The following PIGW variants were observed in gnomAD, a reference collection of about 807,000 sequenced individuals.
PIGW encodes the protein glucosaminyl-phosphatidylinositol-acyltransferase PIGW.
A neutral mutation model predicts 34.0 loss-of-function variants in PIGW; 23 were observed. That is an observed-to-expected ratio of 0.68 (90% CI 0.49 to 0.96). The LOEUF (loss-of-function observed/expected upper bound fraction) is 0.96. PIGW is among the 40% of genes least tolerant of loss of function. PIGW has a pLI of 0.00. For missense variants in PIGW, 574 were observed against 586.3 expected, an observed-to-expected ratio of 0.98 and a Z score of 0.22; for synonymous variants, 225 against 225.2, an observed-to-expected ratio of 1.00 and a Z score of 0.01.
rs561985791 is a variant in PIGW, at chr17:36,535,148, T to C, written c.-453T>C. 6.7e-6 allele frequency: 1 copy of C among 150,156 alleles called. No individual in the cohort carries two copies. Among genetic ancestry groups the C allele is most frequent in the African/African-American group, 2.5e-5 (1 of 39,470 alleles). 9.3% of individuals were successfully genotyped at this position (150,156 alleles called of 1,614,324 possible). A position where few individuals can be genotyped will look rare whatever the true frequency, so the allele number is the denominator to read the frequency against. ...GCGCGGAAGCACGGTTTCCTGGGCC[T>C]TCGGGCGACACCAGGACTGGGGGTC... On this transcript the variant is annotated 5_prime_UTR_variant, in exon 1 of 2. Transcript: ENST00000614443.
rs1190922116 is a variant in PIGW, at chr17:36,538,079, GCATAAGAACCGAT to G, written c.981_993del (p.Lys328IlefsTer5). Reference sequence around the variant, plus strand: ...CTGGTGTGCAAACAGGGTTATATATGCATAAGAACCGATCACATATCAAAGACTTGATAAAAGT... The same window carrying G: ...CTGGTGTGCAAACAGGGTTATATATGCACATATCAAAGACTTGATAAAAGT... On this transcript the variant is annotated frameshift_variant, in exon 2 of 2. Coordinates refer to ENST00000614443, the MANE Select transcript of PIGW (RefSeq NM_001346754.2). LOFTEE classifies it high-confidence loss of function. 1 of 1,614,168 alleles carries G rather than the reference GCATAAGAACCGAT, an allele frequency of 6.2e-7. No homozygotes were observed. The highest frequency in any genetic ancestry group is 1.7e-5 in the Admixed American group (1 of 60,018).
rs2074073258 is a variant in PIGW, at chr17:36,535,297, G to A, written c.-304G>A. ...GTCTGAGGGGCCGTGTGAGGTGCATGGCGCGCCGTTTCCTCTCCAGGCGCT... is the reference window on the plus strand; with the variant it reads ...GTCTGAGGGGCCGTGTGAGGTGCATAGCGCGCCGTTTCCTCTCCAGGCGCT... On this transcript the variant is annotated 5_prime_UTR_variant, in exon 1 of 2. The change abolishes an upstream ATG in the 5' untranslated region. Coordinates refer to ENST00000614443, the MANE Select transcript of PIGW (RefSeq NM_001346754.2). 6.7e-6 allele frequency: 1 copy of A among 150,104 alleles called. No individual in the cohort carries two copies. The highest frequency in any genetic ancestry group is 6.6e-5 in the Admixed American group (1 of 15,208). 9.3% of individuals were successfully genotyped at this position (150,104 alleles called of 1,614,324 possible). A position where few individuals can be genotyped will look rare whatever the true frequency, so the allele number is the denominator to read the frequency against.
intron 1 of PIGW, among the ~76,000 whole-genome samples, chr17:36,536,823 A>C: frequency 6.6e-6 from 1 of 151,948 alleles, no homozygotes; most frequent in East Asian, 1.9e-4. Flanking sequence ...CCCCAAATTC[A>C]CTTTCTTTGT....
rs753862071 is a variant in PIGW at position 36,537,450 on chromosome 17, T to C, written c.349T>C (p.Leu117=). The change falls in exon 2 of 2, where the codon TTG becomes CTG. Residue 117 remains leucine (L), a synonymous_variant. Coordinates refer to ENST00000614443, the MANE Select transcript of PIGW (RefSeq NM_001346754.2). ...TTTCCTAAAAATCCTTGAAAAATTC[T>C]TGAACATCAGTCTAGAATCAGAATA... ...LPFLKILEKF[L]NISLESEYNP... The C allele has an allele frequency of 2.5e-6, 4 of 1,614,244 alleles. No individual in the cohort carries two copies. The South Asian group carries it at 3.3e-5, about 13-fold the overall frequency.
Position 36,538,598 on chromosome 17 carries a change from G to A in PIGW, c.1497G>A (p.Lys499=), listed in dbSNP as rs772409187. ...LIVYVLYLQD[K]TVQFW is the part of the protein sequence containing the mutation. ...TATATGTACTATATTTGCAAGATAA[G>A]ACTGTACAATTTTGGTGATCAGCAG... The change falls in exon 2 of 2, where the codon AAG becomes AAA. Residue 499 remains lysine (K), a synonymous_variant. Transcript: ENST00000614443. The A allele has an allele frequency of 3.6e-5, 58 of 1,600,786 alleles. No homozygotes were observed. The highest frequency in any genetic ancestry group is 4.7e-5 in the Non-Finnish European group (55 of 1,172,524).
rs1305809089 is a variant in PIGW at position 36,537,910 on chromosome 17, T to C, written c.809T>C (p.Val270Ala). 6.2e-7 allele frequency: 1 copy of C among 1,614,138 alleles called. No individual in the cohort carries two copies. Among genetic ancestry groups the C allele is most frequent in the Non-Finnish European group, 8.5e-7 (1 of 1,179,996 alleles). Reference sequence around the variant, plus strand: ...TGGATTATTGCCCTCGGCATTACTGTATTATACCAGCTAGCCCTTGACTTT... The same window carrying C: ...TGGATTATTGCCCTCGGCATTACTGCATTATACCAGCTAGCCCTTGACTTT... ...KSWIIALGITVLYQLALDFTS... is the reference protein window; with the variant it reads ...KSWIIALGITALYQLALDFTS... The change falls in exon 2 of 2, where the codon GTA becomes GCA. Residue 270 changes from valine (V) to alanine (A), a missense_variant. Coordinates refer to ENST00000614443, the MANE Select transcript of PIGW (RefSeq NM_001346754.2).
rs747591955 is a variant in PIGW at position 36,538,197 on chromosome 17, C to T, written c.1096C>T (p.Arg366Ter). Reference protein sequence around the residue: ...VVQVNVEAVSRRMANLAFCIW... With the variant: ...VVQVNVEAVS ...TCAAGTAAATGTAGAAGCAGTATCTCGAAGAATGGCAAATTTAGCCTTTTG... is the reference window on the plus strand; with the variant it reads ...TCAAGTAAATGTAGAAGCAGTATCTTGAAGAATGGCAAATTTAGCCTTTTG... Residue 366 changes from arginine to a stop codon, truncating the protein, a stop_gained, in exon 2 of 2, where the codon CGA (arginine) becomes TGA (stop). Transcript: ENST00000614443. LOFTEE classifies it high-confidence loss of function. The T allele has an allele frequency of 2.2e-5, 35 of 1,613,250 alleles. No homozygotes were observed. Among genetic ancestry groups the T allele is most frequent in the South Asian group, 3.3e-5 (3 of 91,086 alleles).
chr17:36,536,536 T>TTC (rs2074130647), intron 1 of PIGW, among the ~76,000 whole-genome samples: 1 of 148,480 alleles, frequency 6.7e-6, no homozygotes, highest in Non-Finnish European at 1.5e-5. Context: ...TTTTTTTTTT[T>TTC]TTTTTTTGAG....
chr17:36,538,734 C>A lies in PIGW; in HGVS notation c.*118C>A. Reference sequence around the variant, plus strand: ...TATTTTATTATAAAATAGTTTCAGTCATCTAAACAGCAGTGATGCTTAATT... The same window carrying A: ...TATTTTATTATAAAATAGTTTCAGTAATCTAAACAGCAGTGATGCTTAATT... On this transcript the variant is annotated 3_prime_UTR_variant, in exon 2 of 2. Transcript: ENST00000614443. 1.2e-6 allele frequency: 1 copy of A among 864,506 alleles called. No homozygotes were observed. The highest frequency in any genetic ancestry group is 1.8e-6 in the Non-Finnish European group (1 of 570,278). 53.6% of individuals were successfully genotyped at this position (864,506 alleles called of 1,614,324 possible).
In PIGW at chr17:36,538,408, C is replaced by G; in HGVS notation, c.1307C>G (p.Pro436Arg). 1 of 1,614,032 alleles carries G rather than the reference C, an allele frequency of 6.2e-7. No homozygotes were observed. ...SLVPEAERME[P>R]SLCLITALNR... ...GTCCCTGAAGCCGAAAGAATGGAAC[C>G]CAGTCTTTGTTTAATCACAGCTCTA... The change falls in exon 2 of 2, where the codon CCC (proline) becomes CGC (arginine). Residue 436 changes from proline to arginine, a missense_variant. Physicochemically the swap from Pro to Arg is moderately radical, Grantham distance 103. Coordinates refer to ENST00000614443, the MANE Select transcript of PIGW (RefSeq NM_001346754.2).
Position 36,537,192 on chromosome 17 carries a change from T to G in PIGW, c.91T>G (p.Phe31Val), listed in dbSNP as rs370992145. The change falls in exon 2 of 2, where the codon TTC (phenylalanine) becomes GTC (valine). Residue 31 changes from phenylalanine (F) to valine (V), a missense_variant. Coordinates refer to ENST00000614443, the MANE Select transcript of PIGW (RefSeq NM_001346754.2). ...CACCCAGGGATTGTGCTTTCCTGCA[T>G]TCTGTATCCTGTGCAGAGGGTTCCT... Reference protein sequence around the residue: ...EITQGLCFPAFCILCRGFLII... With the variant: ...EITQGLCFPAVCILCRGFLII... The G allele has an allele frequency of 6.2e-7, 1 of 1,614,190 alleles. No homozygotes were observed. The highest frequency in any genetic ancestry group is 1.3e-5 in the African/African-American group (1 of 75,068).
Position 36,537,622 on chromosome 17 carries a change from T to G in PIGW, c.521T>G (p.Phe174Cys). 6.2e-7 allele frequency: 1 copy of G among 1,614,124 alleles called. No individual in the cohort carries two copies. Among genetic ancestry groups the G allele is most frequent in the Non-Finnish European group, 8.5e-7 (1 of 1,180,018 alleles). The change falls in exon 2 of 2, where the codon TTT becomes TGT. Residue 174 changes from phenylalanine (F) to cysteine (C), a missense_variant. Coordinates refer to ENST00000614443, the MANE Select transcript of PIGW (RefSeq NM_001346754.2). Reference protein sequence around the residue: ...TGAMDFGVGGFVFGSAMVCLE... With the variant: ...TGAMDFGVGGCVFGSAMVCLE... The stretch of plus-strand genomic sequence containing the variant: ...GCAATGGATTTTGGAGTAGGTGGCT[T>G]TGTTTTTGGGTCTGCAATGGTTTGT...
chr17:36,537,499 G>C lies in PIGW; in HGVS notation c.398G>C (p.Arg133Pro). The part of the protein sequence containing the change: ...SEYNPAISCF[R>P]VITSAFTAIA... ...TACAATCCAGCCATCTCCTGTTTCC[G>C]TGTAATTACCAGTGCGTTTACTGCT... Residue 133 changes from arginine to proline, a missense_variant, in exon 2 of 2, where the codon CGT (arginine) becomes CCT (proline). Coordinates refer to ENST00000614443, the MANE Select transcript of PIGW (RefSeq NM_001346754.2). 3 of 1,614,036 alleles carry C rather than the reference G, an allele frequency of 1.9e-6. No homozygotes were observed. The highest frequency in any genetic ancestry group is 2.5e-6 in the Non-Finnish European group (3 of 1,180,016).
rs375449647 is a variant in PIGW, at chr17:36,538,630, G to A, written c.*14G>A. 2.6e-6 allele frequency: 4 copies of A among 1,531,774 alleles called. No homozygotes were observed. In the African/African-American group the frequency reaches 5.6e-5, roughly 21 times the overall value. The allele number at this position is 1,531,774 out of a possible 1,614,324, so 94.9% of individuals were successfully genotyped here. A position where few individuals can be genotyped will look rare whatever the true frequency, so the allele number is the denominator to read the frequency against. ...CAATTTTGGTGATCAGCAGGAGTAG[G>A]ATATATAAGTATTTGGGCAATATTT... On this transcript the variant is annotated 3_prime_UTR_variant, in exon 2 of 2. Transcript: ENST00000614443.
At chr17:36,536,439 A>G (rs894505009) in intron 1 of PIGW, among the ~76,000 whole-genome samples, 2 of 152,122 alleles carry the variant, frequency 1.3e-5, no homozygotes, top group South Asian at 2.1e-4. Flanking sequence ...ACTGTGCTCC[A>G]TAATAGAAAT....
At position 36,537,972 on chromosome 17, in the gene PIGW, G is replaced by T. The variant is rs2142618795; in HGVS notation, c.871G>T (p.Gly291Cys). ...GAGGTTAATATTATATGGCACTGAT[G>T]GTAGTGGCACACGGGTTGGTCTATT... ...LKRLILYGTD[G>C]SGTRVGLLNA... The change falls in exon 2 of 2, where the codon GGT becomes TGT. Residue 291 changes from glycine (G) to cysteine (C), a missense_variant. Physicochemically the swap from Gly to Cys is radical, Grantham distance 159. Coordinates refer to ENST00000614443, the MANE Select transcript of PIGW (RefSeq NM_001346754.2). The T allele has an allele frequency of 6.2e-7, 1 of 1,614,012 alleles. No individual in the cohort carries two copies.
chr17:36,537,408 T>C lies in PIGW; in HGVS notation c.307T>C (p.Cys103Arg), dbSNP rs762575873. ...GTATCAAATATACCGAAGGAGGACC[T>C]GCTATGCCAGACTGCCTTTCCTAAA... ...LLYQIYRRRT[C>R]YARLPFLKIL... Residue 103 changes from cysteine to arginine, a missense_variant, in exon 2 of 2, where the codon TGC becomes CGC. Transcript: ENST00000614443. The C allele has an allele frequency of 2.5e-6, 4 of 1,614,020 alleles. No homozygotes were observed. In the Admixed American group the frequency reaches 6.7e-5, roughly 27 times the overall value.
intron 1 of PIGW, among the ~76,000 whole-genome samples, chr17:36,536,542 T>G (rs1195598066): frequency 1.3e-5 from 2 of 149,988 alleles, no homozygotes; most frequent in African/African-American, 4.9e-5. Context: ...TTTTTTTTTT[T>G]TGAGATGGAG....
Position 36,538,064 on chromosome 17 carries a change from A to G in PIGW, c.963A>G (p.Gln321=), listed in dbSNP as rs1213857166. 7.4e-6 allele frequency: 12 copies of G among 1,614,076 alleles called. No homozygotes were observed. Among genetic ancestry groups the G allele is most frequent in the Non-Finnish European group, 9.3e-6 (11 of 1,180,052 alleles). ...GYVAIHMAGV[Q]TGLYMHKNRS... ...TGGCAATACACATGGCTGGTGTGCA[A>G]ACAGGGTTATATATGCATAAGAACC... Residue 321 remains glutamine, a synonymous_variant, in exon 2 of 2, where the codon CAA becomes CAG. Transcript: ENST00000614443.
Sources: allele counts gnomAD v4.1 joint callset (sites outside exome capture counted in the v4.1 genomes callset), GRCh38; gene constraint gnomAD v4.1.1; transcripts MANE v1.5; gene names NCBI Gene and HGNC (gene_info 2026-07-23, HGNC 2026-07-21).